Variants in SPMAP2L observed in about 807,000 individuals in gnomAD.
SPMAP2L encodes sperm microtubule associated protein 2 like.
chr4:56,563,367 G>C, the SPMAP2L span, among the ~76,000 whole-genome samples: 2 of 151,336 alleles, frequency 1.3e-5, no homozygotes, highest in Non-Finnish European at 2.9e-5. Context: ...GCCTCCCAAA[G>C]TGCTGGGATT....
the SPMAP2L span, chr4:56,552,568 A>G: frequency 6.6e-7 from 1 of 1,524,530 alleles, no homozygotes; most frequent in Middle Eastern, 1.7e-4. Context: ...TAGGAAGAGA[A>G]CCCCAAATCT....
chr4:56,624,769 T>C, the SPMAP2L span, among the ~76,000 whole-genome samples: 33 of 152,160 alleles, frequency 2.2e-4, no homozygotes, highest in East Asian at 5.8e-4. Context: ...AGAAGATGTA[T>C]GGAAATACTT....
At chr4:56,540,337 G>C in the SPMAP2L span, among the ~76,000 whole-genome samples, 1 of 152,166 alleles carries the variant, frequency 6.6e-6, no homozygotes, top group Non-Finnish European at 1.5e-5. Context: ...GAGGTCAGGA[G>C]TTCAAGACCA....
the SPMAP2L span, among the ~76,000 whole-genome samples, chr4:56,579,813 A>C: frequency 6.6e-6 from 1 of 152,208 alleles, no homozygotes; most frequent in Non-Finnish European, 1.5e-5. Context: ...CAAACAAATA[A>C]AAGCCAGCAA....
chr4:56,594,784 C>T, the SPMAP2L span: 1 of 1,522,520 alleles, frequency 6.6e-7, no homozygotes, highest in African/African-American at 1.4e-5. Context: ...TTGAAGAGAA[C>T]ATCAGTGACG....
At chr4:56,617,155 G>A in the SPMAP2L span, among the ~76,000 whole-genome samples, 1 of 152,152 alleles carries the variant, frequency 6.6e-6, no homozygotes, top group Non-Finnish European at 1.5e-5. Context: ...CGCAAACCTA[G>A]GTGGTACAGC....
the SPMAP2L span, chr4:56,595,230 T>C: frequency 1.2e-6 from 2 of 1,611,934 alleles, no homozygotes; most frequent in Non-Finnish European, 1.7e-6. Flanking sequence ...CAAGAGGTTA[T>C]GTGGGTCATG....
the SPMAP2L span, among the ~76,000 whole-genome samples, chr4:56,580,966 G>A: frequency 2.0e-5 from 3 of 152,106 alleles, no homozygotes; most frequent in African/African-American, 7.2e-5. Context: ...CTACAGTATC[G>A]ATGAACTTTG....
the SPMAP2L span, among the ~76,000 whole-genome samples, chr4:56,551,860 G>A: frequency 3.3e-5 from 5 of 152,194 alleles, no homozygotes; most frequent in Admixed American, 3.3e-4. Flanking sequence ...TAGCTCTGCT[G>A]TCTAGGATAT....
the SPMAP2L span, chr4:56,552,687 C>T: frequency 1.2e-6 from 1 of 824,922 alleles, no homozygotes; most frequent in Non-Finnish European, 2.0e-6. Context: ...ATTATTTATC[C>T]ATCCACCTCT....
the SPMAP2L span, among the ~76,000 whole-genome samples, chr4:56,592,490 G>T: frequency 2.0e-5 from 3 of 152,240 alleles, no homozygotes; most frequent in Non-Finnish European, 2.9e-5. Flanking sequence ...TTGGTTGAGC[G>T]CAGCGCCCAT....
the SPMAP2L span, chr4:56,559,354 A>T: frequency 2.1e-5 from 24 of 1,152,850 alleles, no homozygotes; most frequent in Admixed American, 8.1e-5. Context: ...CTAGCAATCA[A>T]TTTTTTTTTA....
At chr4:56,605,840 C>T in the SPMAP2L span, among the ~76,000 whole-genome samples, 11 of 152,114 alleles carry the variant, frequency 7.2e-5, no homozygotes, top group Admixed American at 5.9e-4. Context: ...AGTTCGTGTC[C>T]GGCATAAACC....
chr4:56,542,471 G>C, the SPMAP2L span, among the ~76,000 whole-genome samples: 1 of 149,324 alleles, frequency 6.7e-6, no homozygotes, highest in African/African-American at 2.5e-5. Context: ...TTTTTTTTAG[G>C]AGAGTGTCTC....
the SPMAP2L span, among the ~76,000 whole-genome samples, chr4:56,547,085 T>G: frequency 6.6e-6 from 1 of 152,216 alleles, no homozygotes; most frequent in African/African-American, 2.4e-5. Context: ...CGTTGAATAG[T>G]TAATTGTGTT....
At chr4:56,555,318 A>G in the SPMAP2L span, among the ~76,000 whole-genome samples, 2 of 152,134 alleles carry the variant, frequency 1.3e-5, no homozygotes, top group Non-Finnish European at 2.9e-5. Context: ...TCTGTATTTT[A>G]TCCCACTCAT....
chr4:56,556,490 T>C, the SPMAP2L span, among the ~76,000 whole-genome samples: 1 of 152,218 alleles, frequency 6.6e-6, no homozygotes, highest in Non-Finnish European at 1.5e-5. Context: ...ATTCAGTAAG[T>C]ATCTGGAAAT....
chr4:56,571,674 C>T, the SPMAP2L span, among the ~76,000 whole-genome samples: 1 of 151,950 alleles, frequency 6.6e-6, no homozygotes, highest in African/African-American at 2.4e-5. Flanking sequence ...AGTAAGACCC[C>T]CATCTCTAAA....
At chr4:56,587,799 C>A in the SPMAP2L span, among the ~76,000 whole-genome samples, 1 of 152,244 alleles carries the variant, frequency 6.6e-6, no homozygotes, top group East Asian at 1.9e-4. Flanking sequence ...GTATCTTTTT[C>A]AAATAAGGGC....
Sources: allele counts gnomAD v4.1 joint callset (sites outside exome capture counted in the v4.1 genomes callset), GRCh38; gene constraint gnomAD v4.1.1; transcripts MANE v1.5; gene names NCBI Gene and HGNC (gene_info 2026-07-23, HGNC 2026-07-21).